The following MPPED1 variants were observed in gnomAD, a reference collection of about 807,000 sequenced individuals.
MPPED1 encodes the protein metallophosphoesterase domain-containing protein 1.
MPPED1 carries 16 observed loss-of-function variants against 36.2 expected under a neutral mutation model. The ratio of observed to expected loss-of-function variants is 0.44; its 90% confidence interval spans 0.30 to 0.67. MPPED1 has a LOEUF of 0.67. Among genes scored for constraint, MPPED1 ranks in the 30% least tolerant of loss-of-function variants. The probability of loss-of-function intolerance (pLI) is 0.10; values close to 1 mark genes in which losing one functional copy is unlikely to be tolerated. For missense variants in MPPED1, 307 were observed against 453.4 expected, an observed-to-expected ratio of 0.68 and a Z score of 2.93; for synonymous variants, 199 against 191.3, an observed-to-expected ratio of 1.04 and a Z score of -0.33.
Position 43,506,676 on chromosome 22 carries a change from G to C in MPPED1, c.*1060G>C, listed in dbSNP as rs189233977. On this transcript the variant is annotated 3_prime_UTR_variant, in exon 7 of 7. Coordinates refer to ENST00000443721, the MANE Select transcript of MPPED1 (RefSeq NM_001044370.2). The stretch of plus-strand genomic sequence containing the variant: ...TTGGAGGGTGGCACAGGGACCGAGC[G>C]GGCCCCAGGCTCCAGCAGCCCCACC... 1 of 152,164 alleles carries C rather than the reference G, an allele frequency of 6.6e-6. No homozygotes were observed. The highest frequency in any genetic ancestry group is 2.1e-4 in the South Asian group (1 of 4,830). The allele number at this position is 152,164 out of a possible 1,614,324, so 9.4% of individuals were successfully genotyped here.
chr22:43,463,005 A>C (rs925921131), intron 3 of MPPED1, among the ~76,000 whole-genome samples: 3 of 152,178 alleles, frequency 2.0e-5, no homozygotes, highest in Admixed American at 1.3e-4. Flanking sequence ...GTCTTAACTA[A>C]TAGTTTATCT....
chr22:43,438,725 A>C (rs1440206113), intron 3 of MPPED1, among the ~76,000 whole-genome samples: 1 of 151,954 alleles, frequency 6.6e-6, no homozygotes, highest in Non-Finnish European at 1.5e-5. Context: ...TGGTAATTTC[A>C]AACAAAGGCA....
In MPPED1 at chr22:43,505,520, G is replaced by A. The variant is rs1420083227; in HGVS notation, c.885G>A (p.Gly295=). The A allele has an allele frequency of 6.2e-7, 1 of 1,611,092 alleles. No individual in the cohort carries two copies. The highest frequency in any genetic ancestry group is 8.5e-7 in the Non-Finnish European group (1 of 1,178,836). The change falls in exon 7 of 7, where the codon GGG becomes GGA. Residue 295 remains glycine (G), a synonymous_variant. Transcript: ENST00000443721. The stretch of plus-strand genomic sequence containing the variant: ...CAGGGTATGGTGTCATGGCAGATGG[G>A]ACGACCACCTATGTGAATGCGTCCG... ...IHEGYGVMAD[G]TTTYVNASVC... is the part of the protein sequence containing the mutation.
chr22:43,456,902 A>G (rs891877598), intron 3 of MPPED1, among the ~76,000 whole-genome samples: 3 of 152,186 alleles, frequency 2.0e-5, no homozygotes, highest in Non-Finnish European at 2.9e-5. Context: ...ATTACGGTAT[A>G]TTACATTAAT....
At chr22:43,465,095 A>C (rs1242872090) in intron 3 of MPPED1, among the ~76,000 whole-genome samples, 1 of 152,180 alleles carries the variant, frequency 6.6e-6, no homozygotes, top group African/African-American at 2.4e-5. Context: ...GTCTTCATGG[A>C]ACAGATGGGG....
chr22:43,454,731 A>T (rs536326681), intron 3 of MPPED1, among the ~76,000 whole-genome samples: 1 of 152,056 alleles, frequency 6.6e-6, no homozygotes, highest in African/African-American at 2.4e-5. Flanking sequence ...TTGTATTTTT[A>T]GTAGAGATGG....
At chr22:43,437,154 A>G (rs1186561032) in intron 3 of MPPED1, among the ~76,000 whole-genome samples, 1 of 151,844 alleles carries the variant, frequency 6.6e-6, no homozygotes, top group Admixed American at 6.6e-5. Context: ...TATTTTGGGA[A>G]CTCACCCACT....
intron 1 of MPPED1, among the ~76,000 whole-genome samples, chr22:43,419,419 G>T (rs11705050): frequency 1.3e-4 from 19 of 151,874 alleles, no homozygotes; most frequent in Non-Finnish European, 2.6e-4. Flanking sequence ...CGCAGGGGTG[G>T]GGTTGGGTGC....
chr22:43,473,768 T>C (rs1412842835), intron 3 of MPPED1, among the ~76,000 whole-genome samples: 3 of 152,040 alleles, frequency 2.0e-5, no homozygotes, highest in Admixed American at 1.3e-4. Context: ...TGCGCCTGCA[T>C]AGAGCCAGCC....
Position 43,494,110 on chromosome 22 carries a change from T to A in MPPED1, c.633-4125T>A, listed in dbSNP as rs189287937. 5.6e-4 allele frequency among the ~76,000 whole-genome samples: 85 copies of A among 152,258 alleles called. 3 individuals are homozygous for A. The South Asian group carries it at 0.016, about 29-fold the overall frequency. ...GTGCAGTGGCACAATCTCAGTTCAC[T>A]GCAGCCTTGACCTCCTGGGCTCAAG... On this transcript the variant is annotated intron_variant, in intron 4 of 6. Coordinates refer to ENST00000443721, the MANE Select transcript of MPPED1 (RefSeq NM_001044370.2).
intron 3 of MPPED1, among the ~76,000 whole-genome samples, chr22:43,471,233 C>T (rs1931364607): frequency 6.6e-6 from 1 of 152,266 alleles, no homozygotes; most frequent in Non-Finnish European, 1.5e-5. Context: ...ACTGGCTCTG[C>T]ACCCCCAGCT....
intron 5 of MPPED1, 32 bp downstream of exon 5, chr22:43,498,382 G>A (rs781659663): frequency 1.0e-4 from 150 of 1,498,158 alleles, no homozygotes; most frequent in Non-Finnish European, 1.2e-4. Context: ...CCTCCAGCTC[G>A]CCCATCTGGG....
intron 3 of MPPED1, among the ~76,000 whole-genome samples, chr22:43,453,189 A>G (rs995287483): frequency 6.6e-6 from 1 of 151,956 alleles, no homozygotes; most frequent in Admixed American, 6.6e-5. Flanking sequence ...TGACCTTGTG[A>G]TCTGCCCACT....
At chr22:43,476,076 G>A (rs960904363) in intron 4 of MPPED1, among the ~76,000 whole-genome samples, 1 of 151,106 alleles carries the variant, frequency 6.6e-6, no homozygotes, top group Non-Finnish European at 1.5e-5. Flanking sequence ...TCATGGTGGG[G>A]GTGGTGGTGA....
intron 3 of MPPED1, among the ~76,000 whole-genome samples, chr22:43,447,883 A>ATATATATATATATT (rs1321289636): frequency 0.016 from 1,056 of 67,628 alleles, 22 homozygotes; most frequent in Non-Finnish European, 0.022. Context: ...ATATATATAT[A>ATATATATATATATT]TTTTTTTTTT....
At chr22:43,477,120 G>A (rs1452788452) in intron 4 of MPPED1, among the ~76,000 whole-genome samples, 2 of 152,168 alleles carry the variant, frequency 1.3e-5, no homozygotes, top group Admixed American at 6.5e-5. Context: ...ATTTGAACTG[G>A]GGCCAAAAGA....
chr22:43,434,731 C>T (rs1260166387), intron 2 of MPPED1, among the ~76,000 whole-genome samples: 1 of 152,246 alleles, frequency 6.6e-6, no homozygotes, highest in Non-Finnish European at 1.5e-5. Context: ...AGGGCAGATG[C>T]TCACTGCACC....
At chr22:43,437,164 T>C (rs2146836692) in intron 3 of MPPED1, among the ~76,000 whole-genome samples, 1 of 152,298 alleles carries the variant, frequency 6.6e-6, no homozygotes, top group East Asian at 1.9e-4. Flanking sequence ...ACTCACCCAC[T>C]GCACAAAGCG....
intron 3 of MPPED1, among the ~76,000 whole-genome samples, chr22:43,443,488 G>A (rs551544265): frequency 6.6e-6 from 1 of 152,254 alleles, no homozygotes; most frequent in South Asian, 2.1e-4. Context: ...TAGAGGCTTG[G>A]CTCTGGTTTG....
Sources: gnomAD v4.1 joint callset for allele counts (sites outside exome capture counted in the v4.1 genomes callset) on GRCh38, gnomAD v4.1.1 for gene constraint, MANE v1.5 for transcripts, NCBI Gene and HGNC (gene_info 2026-07-23, HGNC 2026-07-21) for gene names.